CHAF1A: variants seen among roughly 807,000 people sequenced by gnomAD.
The protein encoded by CHAF1A is CAF-1 subunit A.
CHAF1A carries 5 observed loss-of-function variants against 93.2 expected under a neutral mutation model. That is an observed-to-expected ratio of 0.05 (90% CI 0.03 to 0.11). CHAF1A has a LOEUF of 0.11. Among genes scored for constraint, CHAF1A ranks in the 10% least tolerant of loss-of-function variants. The probability of loss-of-function intolerance (pLI) is 1.00; values close to 1 mark genes in which losing one functional copy is unlikely to be tolerated. For missense variants in CHAF1A, 1,102 were observed against 1,259.9 expected (o/e 0.87, Z 1.90); for synonymous variants, 504 against 510.3 (o/e 0.99, Z 0.17).
intron 3 of CHAF1A, among the ~76,000 whole-genome samples, chr19:4,410,790 G>T (rs574158478): frequency 6.6e-6 from 1 of 152,282 alleles, no homozygotes; most frequent in Admixed American, 6.5e-5. Context: ...GTTGGAGGCC[G>T]CAGCGAGCTA....
intron 7 of CHAF1A, among the ~76,000 whole-genome samples, chr19:4,427,866 G>C (rs776664775): frequency 9.9e-5 from 15 of 152,214 alleles, no homozygotes; most frequent in Non-Finnish European, 1.8e-4. Flanking sequence ...ACAATTACAG[G>C]CGTGAGCCAC....
intron 13 of CHAF1A, among the ~76,000 whole-genome samples, chr19:4,436,783 G>A (rs534065430): frequency 1.3e-5 from 2 of 152,226 alleles, no homozygotes; most frequent in Admixed American, 6.5e-5. Flanking sequence ...CCCAGCTGGG[G>A]TGCAGTGCCC....
At chr19:4,413,663 T>C (rs1319691568) in intron 3 of CHAF1A, among the ~76,000 whole-genome samples, 2 of 152,300 alleles carry the variant, frequency 1.3e-5, no homozygotes, top group Non-Finnish European at 1.5e-5. Context: ...CTTGCCTTCT[T>C]TATTATTTCT....
At chr19:4,411,557 C>T (rs527411515) in intron 3 of CHAF1A, among the ~76,000 whole-genome samples, 5 of 147,928 alleles carry the variant, frequency 3.4e-5, no homozygotes, top group Non-Finnish European at 7.4e-5. Context: ...TGAATGACTT[C>T]ATTTCTTGTC....
At chr19:4,446,228 G>C, downstream of CHAF1A, 2 of 1,579,552 alleles carry the variant, frequency 1.3e-6, no homozygotes, top group Non-Finnish European at 1.7e-6. Flanking sequence ...AGCGGGTGGG[G>C]CCCAGGGCCC....
Position 4,429,804 on chromosome 19 carries a change from A to T in CHAF1A, c.1854+16A>T, listed in dbSNP as rs1974148673. Reference sequence around the variant, plus strand: ...CAGTGAGGGGGTAAGGATGTGCCCCAGCTGTCTTCACTCACAGACGGCTTG... The same window carrying T: ...CAGTGAGGGGGTAAGGATGTGCCCCTGCTGTCTTCACTCACAGACGGCTTG... On this transcript the variant is annotated intron_variant, in intron 10 of 14. Coordinates refer to ENST00000301280, the MANE Select transcript of CHAF1A (RefSeq NM_005483.3). 6.2e-7 allele frequency: 1 copy of T among 1,603,020 alleles called. No homozygotes were observed. The highest frequency in any genetic ancestry group is 8.5e-7 in the Non-Finnish European group (1 of 1,173,208).
In CHAF1A at chr19:4,429,433, C is replaced by T; in HGVS notation, c.1605-5C>T. 1.2e-6 allele frequency: 2 copies of T among 1,612,878 alleles called. No individual in the cohort carries two copies. The highest frequency in any genetic ancestry group is 2.2e-5 in the East Asian group (1 of 44,854). On this transcript the variant is annotated splice_polypyrimidine_tract_variant and splice_region_variant and intron_variant, in intron 8 of 14. Transcript: ENST00000301280. ...TGATCCTGAGCCTGGGGTTTTCCTTCTCAGTGATGTCGTCATCGTGGAGCG... is the reference window on the plus strand; with the variant it reads ...TGATCCTGAGCCTGGGGTTTTCCTTTTCAGTGATGTCGTCATCGTGGAGCG...
intron 3 of CHAF1A, among the ~76,000 whole-genome samples, chr19:4,410,627 C>T (rs1296603939): frequency 5.3e-5 from 8 of 152,090 alleles, no homozygotes; most frequent in African/African-American, 1.7e-4. Flanking sequence ...GTAATCTGCC[C>T]GTCTTGGCCT....
At chr19:4,407,752 A>C (rs1237506016) in intron 2 of CHAF1A, among the ~76,000 whole-genome samples, 1 of 152,122 alleles carries the variant, frequency 6.6e-6, no homozygotes, top group South Asian at 2.1e-4. Context: ...GTTTGAGACC[A>C]GCCTGGCCAA....
At chr19:4,442,113 C>T in intron 13 of CHAF1A, 132 bp from the exon 14 acceptor site, 1 of 698,848 alleles carries the variant, frequency 1.4e-6, no homozygotes, top group Non-Finnish European at 2.6e-6. Flanking sequence ...AAATTGGGTT[C>T]TGGATGTTGG....
intron 13 of CHAF1A, among the ~76,000 whole-genome samples, chr19:4,440,550 A>T (rs983135545): frequency 6.6e-6 from 1 of 152,146 alleles, no homozygotes; most frequent in Non-Finnish European, 1.5e-5. Context: ...TGGAATTTGC[A>T]GTGAGTCGAG....
Position 4,409,077 on chromosome 19 carries a change from A to G in CHAF1A, c.278A>G (p.Asn93Ser). Reference protein sequence around the residue: ...SDIDFRPKLVNGKGPLDNFLR... With the variant: ...SDIDFRPKLVSGKGPLDNFLR... ...ATAGACTTTAGACCGAAACTTGTCAACGGGAAGGGTCCCTTAGATAACTTT... is the reference window on the plus strand; with the variant it reads ...ATAGACTTTAGACCGAAACTTGTCAGCGGGAAGGGTCCCTTAGATAACTTT... Residue 93 changes from asparagine to serine, a missense_variant, in exon 3 of 15, where the codon AAC (asparagine) becomes AGC (serine). Coordinates refer to ENST00000301280, the MANE Select transcript of CHAF1A (RefSeq NM_005483.3). 7 of 1,614,264 alleles carry G rather than the reference A, an allele frequency of 4.3e-6. No individual in the cohort carries two copies. The highest frequency in any genetic ancestry group is 5.9e-6 in the Non-Finnish European group (7 of 1,180,054).
intron 2 of CHAF1A, among the ~76,000 whole-genome samples, chr19:4,407,462 G>GGA (rs1555747233): frequency 3.4e-4 from 22 of 64,776 alleles, no homozygotes; most frequent in Middle Eastern, 8.1e-3. Flanking sequence ...GAGGCCAGGA[G>GGA]AAAAAAAAAA....
chr19:4,429,059 C>T, intron 8 of CHAF1A, 169 bp downstream of exon 8: 1 of 610,438 alleles, frequency 1.6e-6, no homozygotes, highest in Non-Finnish European at 2.9e-6. Context: ...CCTGGCCTTC[C>T]TGTAAGCTCC....
chr19:4,423,741 T>A (rs1279091689), intron 6 of CHAF1A, 65 bp from the exon 7 acceptor site: 1 of 1,502,512 alleles, frequency 6.7e-7, no homozygotes, highest in Non-Finnish European at 9.3e-7. Context: ...GGCCTTTGCA[T>A]GTTTTGCAAC....
intron 13 of CHAF1A, among the ~76,000 whole-genome samples, chr19:4,436,844 C>G (rs1242420465): frequency 6.6e-6 from 1 of 152,152 alleles, no homozygotes; most frequent in African/African-American, 2.4e-5. Flanking sequence ...ACATGTGGAA[C>G]CCATGTTTCC....
At chr19:4,421,071 T>C (rs1267414646) in intron 4 of CHAF1A, among the ~76,000 whole-genome samples, 3 of 152,040 alleles carry the variant, frequency 2.0e-5, no homozygotes, top group Non-Finnish European at 4.4e-5. Flanking sequence ...TATCTCCAAA[T>C]AAATAAATAA....
At chr19:4,411,642 A>ATGTTTTTTTTTTTTTTTT (rs1202069647) in intron 3 of CHAF1A, among the ~76,000 whole-genome samples, 1 of 38,066 alleles carries the variant, frequency 2.6e-5, no homozygotes, top group African/African-American at 9.4e-5. Flanking sequence ...AATGGTGCAA[A>ATGTTTTTTTTTTTTTTTT]TCTTTTTTTT....
Position 4,423,894 on chromosome 19 carries a change from T to C in CHAF1A, c.1377+20T>C. 6.2e-7 allele frequency: 1 copy of C among 1,611,668 alleles called. No individual in the cohort carries two copies. Among genetic ancestry groups the C allele is most frequent in the African/African-American group, 1.3e-5 (1 of 74,998 alleles). On this transcript the variant is annotated intron_variant, in intron 7 of 14. Transcript: ENST00000301280. ...CCCAAGGTGAGCAGCCGGCTGCCTT[T>C]GCTTTTGGGTTTCAGCTCTGCTAGA...
Sources: gnomAD v4.1 joint callset for allele counts (sites outside exome capture counted in the v4.1 genomes callset) on GRCh38, gnomAD v4.1.1 for gene constraint, MANE v1.5 for transcripts, NCBI Gene and HGNC (gene_info 2026-07-23, HGNC 2026-07-21) for gene names.